The following KCNB2 variants were observed in gnomAD, a reference collection of about 807,000 sequenced individuals.
KCNB2 encodes potassium voltage-gated channel subfamily B member 2, also known as delayed rectifier potassium channel protein.
A neutral mutation model predicts 61.5 loss-of-function variants in KCNB2; 15 were observed. The ratio of observed to expected loss-of-function variants is 0.24; its 90% CI spans 0.16 to 0.38. The LOEUF (loss-of-function observed/expected upper bound fraction) is 0.38, where lower values mean the gene tolerates loss of function less well. Ranked by LOEUF, KCNB2 falls within the 10% of genes least tolerant of loss-of-function variation. The pLI is 1.00. For synonymous variants in KCNB2, 457 were observed against 446.0 expected (o/e 1.02, Z -0.31); for missense variants, 828 against 1,125.2 (o/e 0.74, Z 3.78).
chr8:72,886,681 C>T (rs141542858), intron 2 of KCNB2, among the ~76,000 whole-genome samples: 715 of 152,356 alleles, frequency 4.7e-3, no homozygotes, highest in Middle Eastern at 0.014. Context: ...GGCCTCGACA[C>T]TACGTAATTT....
chr8:72,614,459 G>A (rs1012649793), intron 2 of KCNB2, among the ~76,000 whole-genome samples: 3 of 152,144 alleles, frequency 2.0e-5, no homozygotes, highest in African/African-American at 7.2e-5. Context: ...TCAATTTCTT[G>A]TGCTGTTAAA....
chr8:72,769,512 G>A (rs1808525949), intron 2 of KCNB2, among the ~76,000 whole-genome samples: 1 of 152,204 alleles, frequency 6.6e-6, no homozygotes, highest in Non-Finnish European at 1.5e-5. Flanking sequence ...TGCCAGGGGT[G>A]CAATTTGAGC....
intron 2 of KCNB2, among the ~76,000 whole-genome samples, chr8:72,723,691 A>C (rs146342526): frequency 6.6e-6 from 1 of 152,206 alleles, no homozygotes; most frequent in East Asian, 1.9e-4. Flanking sequence ...TTACTCTCAC[A>C]ATCTAAGGGC....
chr8:72,869,006 G>C (rs1460071567), intron 2 of KCNB2, among the ~76,000 whole-genome samples: 1 of 152,172 alleles, frequency 6.6e-6, no homozygotes, highest in Non-Finnish European at 1.5e-5. Flanking sequence ...TGGGGGCAAG[G>C]TAGGGGATAG....
intron 2 of KCNB2, among the ~76,000 whole-genome samples, chr8:72,912,772 G>C (rs1337974408): frequency 6.6e-6 from 1 of 152,056 alleles, no homozygotes; most frequent in African/African-American, 2.4e-5. Flanking sequence ...ACATAGCCTG[G>C]AGCCAGAGGC....
At chr8:72,917,544 G>A (rs537548597) in intron 2 of KCNB2, among the ~76,000 whole-genome samples, 9 of 152,190 alleles carry the variant, frequency 5.9e-5, no homozygotes, top group African/African-American at 1.9e-4. Context: ...CTCTTAATTG[G>A]CAATTGTATG....
chr8:72,684,893 A>G (rs1219621439), intron 2 of KCNB2, among the ~76,000 whole-genome samples: 1 of 152,182 alleles, frequency 6.6e-6, no homozygotes, highest in African/African-American at 2.4e-5. Context: ...TGTCAATTTT[A>G]TTGTGCTTCA....
intron 2 of KCNB2, among the ~76,000 whole-genome samples, chr8:72,684,949 T>C (rs1463737269): frequency 6.6e-6 from 1 of 152,362 alleles, no homozygotes; most frequent in East Asian, 1.9e-4. Flanking sequence ...GCACTATTAA[T>C]GTTTCCTCTC....
At chr8:72,832,671 C>G (rs1809718593) in intron 2 of KCNB2, among the ~76,000 whole-genome samples, 2 of 152,162 alleles carry the variant, frequency 1.3e-5, no homozygotes, top group African/African-American at 4.8e-5. Context: ...CAGATGCTGG[C>G]AGAAGACGGA....
chr8:72,930,879 A>G lies in KCNB2; in HGVS notation c.580-5056A>G, dbSNP rs936692888. ...AGACATGAAGTCCTTGCCCATGCCT[A>G]TGTCCTGAATGGTATTGCCTAGGTT... On this transcript the variant is annotated intron_variant, in intron 2 of 2. Transcript: ENST00000523207. Among the ~76,000 whole-genome samples the G allele has an allele frequency of 3.5e-4, 53 of 152,270 alleles. 1 individual carries two copies. Among genetic ancestry groups the G allele is most frequent in the Admixed American group, 1.8e-3 (28 of 15,292 alleles).
intron 2 of KCNB2, among the ~76,000 whole-genome samples, chr8:72,895,365 G>C (rs559643363): frequency 7.9e-5 from 12 of 152,310 alleles, no homozygotes; most frequent in African/African-American, 2.6e-4. Context: ...GAAAGGCATA[G>C]AGCAATGCAG....
rs150108141 is a variant in KCNB2, at chr8:72,921,639, A to G, written c.580-14296A>G. On this transcript the variant is annotated intron_variant, in intron 2 of 2. Coordinates refer to ENST00000523207, the MANE Select transcript of KCNB2 (RefSeq NM_004770.3). ...TGTTGCTAAACCTAACTGTTTTAATATGTTATTTTGTAGTATTTCCTTATT... is the reference window on the plus strand; with the variant it reads ...TGTTGCTAAACCTAACTGTTTTAATGTGTTATTTTGTAGTATTTCCTTATT... Among the ~76,000 whole-genome samples, 80 of 152,244 alleles carry G rather than the reference A, an allele frequency of 5.3e-4. 1 individual carries two copies. Among genetic ancestry groups the G allele is most frequent in the African/African-American group, 1.8e-3 (76 of 41,528 alleles).
chr8:72,631,172 C>A (rs2128984967), intron 2 of KCNB2, among the ~76,000 whole-genome samples: 1 of 152,150 alleles, frequency 6.6e-6, no homozygotes, highest in South Asian at 2.1e-4. Context: ...TGAGAGTTAC[C>A]CCATGTACCT....
At chr8:72,699,732 T>C (rs1026531525) in intron 2 of KCNB2, among the ~76,000 whole-genome samples, 3 of 152,176 alleles carry the variant, frequency 2.0e-5, no homozygotes, top group Non-Finnish European at 4.4e-5. Context: ...TTTTGGGTTT[T>C]ACATTTAAGT....
chr8:72,698,823 G>C (rs1424197754), intron 2 of KCNB2, among the ~76,000 whole-genome samples: 1 of 152,116 alleles, frequency 6.6e-6, no homozygotes, highest in Non-Finnish European at 1.5e-5. Flanking sequence ...TCAGAAGAAA[G>C]AAACTGGACT....
intron 2 of KCNB2, among the ~76,000 whole-genome samples, chr8:72,858,172 T>C (rs148097477): frequency 1.3e-5 from 2 of 152,332 alleles, no homozygotes; most frequent in African/African-American, 4.8e-5. Flanking sequence ...TTCAGTACTT[T>C]GAACTAGCAG....
At chr8:72,826,606 C>G (rs1289486944) in intron 2 of KCNB2, among the ~76,000 whole-genome samples, 1 of 152,022 alleles carries the variant, frequency 6.6e-6, no homozygotes, top group Admixed American at 6.5e-5. Flanking sequence ...ATCTAGGTTA[C>G]CAAGGATGGT....
rs1335173502 is a variant in KCNB2, at chr8:72,822,205, G to A, written c.580-113730G>A. ...TGCTGCCCTCTCCTTCAACAAGACT[G>A]ATATTTTTGCCTTTATGGTACCTGC... is the stretch of plus-strand genomic sequence containing the variant. On this transcript the variant is annotated intron_variant, in intron 2 of 2. Transcript: ENST00000523207. 2.0e-5 allele frequency among the ~76,000 whole-genome samples: 3 copies of A among 152,310 alleles called. No homozygotes were observed. In the South Asian group the frequency reaches 6.2e-4, roughly 32 times the overall value.
At chr8:72,712,817 G>A (rs1418728954) in intron 2 of KCNB2, among the ~76,000 whole-genome samples, 1 of 152,138 alleles carries the variant, frequency 6.6e-6, no homozygotes, top group Non-Finnish European at 1.5e-5. Flanking sequence ...AGTGGGTTCA[G>A]GACAGTGGGT....
Sources: gnomAD v4.1 joint callset for allele counts (sites outside exome capture counted in the v4.1 genomes callset) on GRCh38, gnomAD v4.1.1 for gene constraint, MANE v1.5 for transcripts, NCBI Gene and HGNC (gene_info 2026-07-23, HGNC 2026-07-21) for gene names.